The following TRHDE variants were observed in gnomAD, a reference collection of about 807,000 sequenced individuals.
TRHDE encodes the protein thyrotropin releasing hormone degrading enzyme.
TRHDE carries 72 observed loss-of-function variants against 125.7 expected under a neutral mutation model. That is an observed-to-expected ratio of 0.57 (90% CI 0.47 to 0.70). TRHDE has a LOEUF of 0.70. Among genes scored for constraint, TRHDE ranks in the 30% least tolerant of loss-of-function variants. The probability of loss-of-function intolerance (pLI) is 0.00; values close to 1 mark genes in which losing one functional copy is unlikely to be tolerated. For synonymous variants in TRHDE, 509 were observed against 509.1 expected (o/e 1.00, Z 0.00); for missense variants, 1,110 against 1,327.1 (o/e 0.84, Z 2.54).
chr12:72,134,347 G>A (rs954054357), intron 2 of TRHDE, among the ~76,000 whole-genome samples: 5 of 152,024 alleles, frequency 3.3e-5, no homozygotes, highest in African/African-American at 1.2e-4. Context: ...AAAAGTTGGA[G>A]GCAAGGGATT....
chr12:72,165,362 T>G (rs531800763), intron 2 of TRHDE, among the ~76,000 whole-genome samples: 2 of 152,114 alleles, frequency 1.3e-5, no homozygotes, highest in Non-Finnish European at 2.9e-5. Context: ...AAGTTAATAA[T>G]GTATGGAGTA....
At chr12:72,284,378 AGTG>A in intron 1 of TRHDE, among the ~76,000 whole-genome samples, 2 of 152,290 alleles carry the variant, frequency 1.3e-5, no homozygotes, top group Middle Eastern at 6.8e-3. Flanking sequence ...AAATAGCCTC[AGTG>A]AAAAATATTA....
At chr12:72,132,570 A>G (rs1165155367) in intron 2 of TRHDE, among the ~76,000 whole-genome samples, 2 of 152,100 alleles carry the variant, frequency 1.3e-5, no homozygotes, top group Non-Finnish European at 2.9e-5. Context: ...ATACTCTTGC[A>G]CTCTCTCTCC....
At chr12:72,308,089 A>T (rs1199305059) in intron 2 of TRHDE, among the ~76,000 whole-genome samples, 1 of 151,930 alleles carries the variant, frequency 6.6e-6, no homozygotes, top group Non-Finnish European at 1.5e-5. Context: ...TTTCTTTAAG[A>T]TCATCCTCTA....
At chr12:72,380,907 TTTC>T (rs1165845525) in intron 3 of TRHDE, among the ~76,000 whole-genome samples, 4 of 150,388 alleles carry the variant, frequency 2.7e-5, no homozygotes, top group African/African-American at 9.8e-5. Flanking sequence ...CCTTCCTTCC[TTTC>T]TTGTTTTGTG....
At chr12:72,563,489 C>T (rs572231779) in intron 9 of TRHDE, among the ~76,000 whole-genome samples, 12 of 152,134 alleles carry the variant, frequency 7.9e-5, no homozygotes, top group East Asian at 3.9e-4. Flanking sequence ...GAATTTAAAA[C>T]GATACCTTAA....
chr12:72,273,111 G>C lies in TRHDE; in HGVS notation c.468G>C (p.Ala156=). 3 of 1,525,882 alleles carry C rather than the reference G, an allele frequency of 2.0e-6. No individual in the cohort carries two copies. The highest frequency in any genetic ancestry group is 2.6e-6 in the Non-Finnish European group (3 of 1,136,550). The allele number at this position is 1,525,882 out of a possible 1,614,324, so 94.5% of individuals were successfully genotyped here. The part of the protein sequence containing the change: ...HAGGDSWQPE[A]GGVASPGTTS... The stretch of plus-strand genomic sequence containing the variant: ...GCGGGGACTCCTGGCAGCCCGAGGC[G>C]GGTGGGGTGGCCAGTCCGGGGACCA... The change falls in exon 1 of 19, where the codon GCG becomes GCC. Residue 156 remains alanine (A), a synonymous_variant. Transcript: ENST00000261180. This position sits in a 1 kb window ranked among gnomAD's most constrained non-coding sequence, Gnocchi z 5.3.
Position 72,664,049 on chromosome 12 carries a change from A to C in TRHDE, c.*854A>C. On this transcript the variant is annotated 3_prime_UTR_variant, in exon 19 of 19. Transcript: ENST00000261180. Reference sequence around the variant, plus strand: ...TTCTATGTCCTAACTAAATTTCTCAACTGTTATGAATTTTTCATCTACTTC... The same window carrying C: ...TTCTATGTCCTAACTAAATTTCTCACCTGTTATGAATTTTTCATCTACTTC... 1 of 152,078 alleles carries C rather than the reference A, an allele frequency of 6.6e-6. No homozygotes were observed. The highest frequency in any genetic ancestry group is 1.9e-4 in the East Asian group (1 of 5,154). The allele number at this position is 152,078 out of a possible 1,614,324, so 9.4% of individuals were successfully genotyped here.
chr12:72,519,311 TAG>T (rs1879052298), intron 6 of TRHDE, among the ~76,000 whole-genome samples: 1 of 152,210 alleles, frequency 6.6e-6, no homozygotes, highest in African/African-American at 2.4e-5. Flanking sequence ...TCTTTTCACA[TAG>T]TCCCATATTT....
chr12:72,657,795 T>C (rs1874764759), intron 18 of TRHDE, among the ~76,000 whole-genome samples: 1 of 152,138 alleles, frequency 6.6e-6, no homozygotes, highest in Non-Finnish European at 1.5e-5. Flanking sequence ...AAGCAAAATA[T>C]AGACTCTTTT....
At chr12:72,184,980 C>A (rs999254318) in intron 2 of TRHDE, among the ~76,000 whole-genome samples, 1 of 152,282 alleles carries the variant, frequency 6.6e-6, no homozygotes, top group South Asian at 2.1e-4. Context: ...ACTGTGGGAG[C>A]CCCTTTCTGG....
intron 2 of TRHDE, among the ~76,000 whole-genome samples, chr12:72,165,526 A>T (rs552168456): frequency 6.6e-6 from 1 of 152,148 alleles, no homozygotes; most frequent in South Asian, 2.1e-4. Flanking sequence ...TCTACCTCAG[A>T]GTATTTTTTG....
At chr12:72,612,526 T>C (rs1872668575) in intron 12 of TRHDE, among the ~76,000 whole-genome samples, 1 of 152,164 alleles carries the variant, frequency 6.6e-6, no homozygotes, top group African/African-American at 2.4e-5. Context: ...ATTCTAGCCC[T>C]GCTACTCATT....
chr12:72,424,799 G>A (rs1874114310), intron 3 of TRHDE, among the ~76,000 whole-genome samples: 1 of 151,876 alleles, frequency 6.6e-6, no homozygotes, highest in Admixed American at 6.6e-5. Flanking sequence ...TTTATTCTTT[G>A]TATCTCTTTG....
intron 3 of TRHDE, among the ~76,000 whole-genome samples, chr12:72,443,713 G>A (rs985041793): frequency 6.6e-6 from 1 of 151,744 alleles, no homozygotes; most frequent in African/African-American, 2.4e-5. Flanking sequence ...TTTGGCTGCT[G>A]CTATGGATCC....
At chr12:72,571,607 C>G (rs10129051) in intron 10 of TRHDE, among the ~76,000 whole-genome samples, 1 of 151,824 alleles carries the variant, frequency 6.6e-6, no homozygotes, top group African/African-American at 2.4e-5. Flanking sequence ...TCTTATTATG[C>G]AAATACCAAA....
chr12:72,648,234 A>G (rs924925960), intron 15 of TRHDE, among the ~76,000 whole-genome samples: 3 of 152,172 alleles, frequency 2.0e-5, no homozygotes, highest in Non-Finnish European at 2.9e-5. Context: ...AATAAGGAAT[A>G]AAAGGGAAGT....
At chr12:72,218,294 G>A (rs1268107005) in intron 2 of TRHDE, among the ~76,000 whole-genome samples, 2 of 152,040 alleles carry the variant, frequency 1.3e-5, no homozygotes, top group Admixed American at 6.6e-5. Context: ...GTAGCTTATG[G>A]CTATGTATGA....
chr12:72,332,201 C>T (rs903828646), intron 2 of TRHDE, among the ~76,000 whole-genome samples: 7 of 152,038 alleles, frequency 4.6e-5, no homozygotes, highest in African/African-American at 1.7e-4. Context: ...TGCAGTGCCA[C>T]GATCTCGGCT....
Sources: gnomAD v4.1 joint callset for allele counts (sites outside exome capture counted in the v4.1 genomes callset) on GRCh38, gnomAD v4.1.1 for gene constraint, Gnocchi (gnomAD v3.1) non-coding constraint, MANE v1.5 for transcripts, NCBI Gene and HGNC (gene_info 2026-07-23, HGNC 2026-07-21) for gene names.